ENOX1: variants seen among roughly 807,000 people sequenced by gnomAD.
The protein encoded by ENOX1 is candidate growth-related and time keeping constitutive hydroquinone (NADH) oxidase.
Under a neutral mutation model 82.5 loss-of-function variants are expected in ENOX1, and 42 were observed. The ratio of observed to expected loss-of-function variants is 0.51; its 90% CI spans 0.40 to 0.66. ENOX1 has a LOEUF of 0.66. ENOX1 is among the 30% of genes least tolerant of loss of function. The pLI is 0.00. For missense variants in ENOX1, 608 were observed against 811.6 expected, an observed-to-expected ratio of 0.75 and a Z score of 3.05; for synonymous variants, 271 against 282.2, an observed-to-expected ratio of 0.96 and a Z score of 0.40.
intron 12 of ENOX1, among the ~76,000 whole-genome samples, chr13:43,292,230 A>G (rs2046038624): frequency 6.6e-6 from 1 of 152,188 alleles, no homozygotes; most frequent in South Asian, 2.1e-4. Context: ...TAAAATACGA[A>G]TAAGATTGCA....
intron 5 of ENOX1, among the ~76,000 whole-genome samples, chr13:43,393,874 G>T (rs2052963109): frequency 6.6e-6 from 1 of 152,202 alleles, no homozygotes; most frequent in Non-Finnish European, 1.5e-5. Flanking sequence ...TTTGGGTCAT[G>T]GGAGTTGATC....
rs1555290259 is a variant in ENOX1 at position 43,470,417 on chromosome 13, T to TAA, written c.-75+13590_-75+13591dup. Among the ~76,000 whole-genome samples, 52 of 132,154 alleles carry TAA rather than the reference T, an allele frequency of 3.9e-4. 1 individual carries two copies. The highest frequency in any genetic ancestry group is 2.8e-3 in the Admixed American group (35 of 12,382). 86.7% of individuals were successfully genotyped at this position (132,154 alleles called of 152,430 possible). On this transcript the variant is annotated intron_variant, in intron 3 of 16. Transcript: ENST00000690772. ...ATATATGTGTATATATATATATATATAACAGAGATAACCTTGTTTTAGACA... is the reference window on the plus strand; with the variant it reads ...ATATATGTGTATATATATATATATATAAAACAGAGATAACCTTGTTTTAGACA...
intron 1 of ENOX1, among the ~76,000 whole-genome samples, chr13:43,724,074 T>C (rs1217776425): frequency 6.6e-6 from 1 of 152,184 alleles, no homozygotes; most frequent in African/African-American, 2.4e-5. Flanking sequence ...GCATAAATCA[T>C]ACATGACATC....
At position 43,455,630 on chromosome 13, in the gene ENOX1, C is replaced by T. The variant is rs374284237; in HGVS notation, c.-75+28379G>A. On this transcript the variant is annotated intron_variant, in intron 3 of 16. Transcript: ENST00000690772. Reference sequence around the variant, plus strand: ...TCTCACCTCCACCTCACCCCACGTCCGTCTGATATGGTTGGCTGTGTTCCC... The same window carrying T: ...TCTCACCTCCACCTCACCCCACGTCTGTCTGATATGGTTGGCTGTGTTCCC... 4.7e-4 allele frequency among the ~76,000 whole-genome samples: 71 copies of T among 152,214 alleles called. 2 individuals carry two copies. In the South Asian group the frequency reaches 9.3e-3, roughly 20 times the overall value.
chr13:43,446,273 C>T (rs17064555), intron 3 of ENOX1, among the ~76,000 whole-genome samples: 8,046 of 151,848 alleles, frequency 0.053, 748 homozygotes, highest in African/African-American at 0.18. Context: ...AGGTCAGTTC[C>T]GTGGAATATT....
intron 5 of ENOX1, among the ~76,000 whole-genome samples, chr13:43,363,604 G>T (rs554059178): frequency 6.6e-6 from 1 of 152,070 alleles, no homozygotes; most frequent in Non-Finnish European, 1.5e-5. Flanking sequence ...ATCTCATTCC[G>T]TACATCGGCT....
At chr13:43,278,958 A>G (rs1275813993) in intron 12 of ENOX1, among the ~76,000 whole-genome samples, 20 of 152,188 alleles carry the variant, frequency 1.3e-4, no homozygotes, top group Admixed American at 1.1e-3. Flanking sequence ...AATGTTGTCT[A>G]AATTTAGAGG....
chr13:43,493,015 C>A (rs1050926332), intron 2 of ENOX1, among the ~76,000 whole-genome samples: 1 of 152,178 alleles, frequency 6.6e-6, no homozygotes, highest in Non-Finnish European at 1.5e-5. Flanking sequence ...TGCCTCCAGA[C>A]TGTCTTTGGA....
intron 2 of ENOX1, among the ~76,000 whole-genome samples, chr13:43,616,138 C>CTATATATCTA (rs1364614503): frequency 1.8e-4 from 4 of 21,644 alleles, no homozygotes; most frequent in African/African-American, 3.9e-4. Flanking sequence ...ATCTATCTAT[C>CTATATATCTA]TAGATATCTA....
chr13:43,338,040 T>A, intron 9 of ENOX1, among the ~76,000 whole-genome samples: 1 of 152,220 alleles, frequency 6.6e-6, no homozygotes, highest in Non-Finnish European at 1.5e-5. Flanking sequence ...TTGCCTTTTC[T>A]CCAGTTTGTT....
intron 1 of ENOX1, among the ~76,000 whole-genome samples, chr13:43,752,468 C>G (rs961052791): frequency 6.6e-6 from 1 of 152,142 alleles, no homozygotes; most frequent in Non-Finnish European, 1.5e-5. Context: ...CCCAATCTCA[C>G]AAAGATTATT....
intron 5 of ENOX1, among the ~76,000 whole-genome samples, chr13:43,374,646 G>A (rs2051492702): frequency 6.6e-6 from 1 of 152,350 alleles, no homozygotes; most frequent in Admixed American, 6.5e-5. Context: ...ATTCACAGAA[G>A]CATCTAGTTT....
intron 2 of ENOX1, chr13:43,547,101 G>A (rs1457515906): frequency 6.6e-6 from 1 of 152,184 alleles, no homozygotes; most frequent in Non-Finnish European, 1.5e-5. Flanking sequence ...AAAATCACAG[G>A]AGAGTCAGGC....
intron 8 of ENOX1, among the ~76,000 whole-genome samples, chr13:43,345,434 C>CA (rs2049320193): frequency 6.6e-6 from 1 of 152,066 alleles, no homozygotes; most frequent in Non-Finnish European, 1.5e-5. Flanking sequence ...ATGGAGAGCC[C>CA]ATCTGAACCC....
chr13:43,603,853 T>C (rs1365935225), intron 2 of ENOX1, among the ~76,000 whole-genome samples: 4 of 109,188 alleles, frequency 3.7e-5, no homozygotes, highest in Middle Eastern at 3.7e-3. Flanking sequence ...AACATTCGTG[T>C]GCATGTGTCT....
At chr13:43,464,110 C>A (rs1005624333) in intron 3 of ENOX1, among the ~76,000 whole-genome samples, 1 of 152,144 alleles carries the variant, frequency 6.6e-6, no homozygotes, top group Non-Finnish European at 1.5e-5. Context: ...AAGGCTCACT[C>A]TTAAGCTGAA....
chr13:43,603,376 T>A (rs1351309816), intron 2 of ENOX1, among the ~76,000 whole-genome samples: 1 of 55,050 alleles, frequency 1.8e-5, no homozygotes, highest in Non-Finnish European at 2.7e-5. Flanking sequence ...TTATTTATTT[T>A]ATTTATTTAT....
chr13:43,784,115 A>T (rs1168730845), intron 1 of ENOX1, among the ~76,000 whole-genome samples: 2 of 152,248 alleles, frequency 1.3e-5, no homozygotes, highest in Non-Finnish European at 2.9e-5. Context: ...AATGAGAAAA[A>T]ATTCTAAGGA....
intron 3 of ENOX1, among the ~76,000 whole-genome samples, chr13:43,481,972 A>G (rs2058522687): frequency 6.6e-6 from 1 of 152,182 alleles, no homozygotes; most frequent in Admixed American, 6.5e-5. Context: ...TCACCTCAAG[A>G]TGGTTATTAT....
Sources: gnomAD v4.1 joint callset for allele counts (sites outside exome capture counted in the v4.1 genomes callset) on GRCh38, gnomAD v4.1.1 for gene constraint, MANE v1.5 for transcripts, NCBI Gene and HGNC (gene_info 2026-07-23, HGNC 2026-07-21) for gene names.